CRADD: variants seen among roughly 807,000 people sequenced by gnomAD.
CRADD encodes CARD and death domain containing adaptor protein, also known as death domain-containing protein CRADD.
In CRADD, 9 loss-of-function variants were observed where a neutral mutation model predicts 15.5. The observed-to-expected ratio is 0.58, with a 90% CI of 0.35 to 1.01. The LOEUF is 1.01. Ranked by LOEUF, CRADD falls within the 50% of genes least tolerant of loss-of-function variation. CRADD has a pLI of 0.02. For missense variants in CRADD, 227 were observed against 250.3 expected (o/e 0.91, Z 0.63); for synonymous variants, 118 against 107.6 (o/e 1.10, Z -0.60).
intron 2 of CRADD, among the ~76,000 whole-genome samples, chr12:93,807,540 C>G (rs1957553588): frequency 6.6e-6 from 1 of 151,956 alleles, no homozygotes; most frequent in Non-Finnish European, 1.5e-5. Context: ...AGGCACTGTC[C>G]TAGGTACCAG....
chr12:93,880,511 G>A (rs980609540), intron 2 of CRADD, among the ~76,000 whole-genome samples: 2 of 152,112 alleles, frequency 1.3e-5, no homozygotes, highest in Non-Finnish European at 1.5e-5. Flanking sequence ...GCAGCTCACC[G>A]TCTTGCTTTT....
chr12:93,894,191 G>A (rs113781142), exon 3 of CRADD: 1 of 698,468 alleles, frequency 1.4e-6, no homozygotes, highest in African/African-American at 1.7e-5. Context: ...TCTCAATCAA[G>A]GGCGATTTTG....
intron 2 of CRADD, among the ~76,000 whole-genome samples, chr12:93,784,589 A>C (rs542927965): frequency 1.3e-5 from 2 of 152,004 alleles, no homozygotes; most frequent in Non-Finnish European, 2.9e-5. Context: ...GAGCACCTTA[A>C]AACCCTTTGT....
chr12:93,860,610 C>T (rs1020422306), intron 2 of CRADD, among the ~76,000 whole-genome samples: 1 of 152,076 alleles, frequency 6.6e-6, no homozygotes, highest in Non-Finnish European at 1.5e-5. Flanking sequence ...GAGTAAAAAC[C>T]CGAGGGAGGG....
At chr12:93,765,569 T>C (rs544010261) in intron 2 of CRADD, among the ~76,000 whole-genome samples, 2 of 152,278 alleles carry the variant, frequency 1.3e-5, no homozygotes, top group Non-Finnish European at 2.9e-5. Flanking sequence ...AGCCTCTTTA[T>C]TGAGGGTGAG....
intron 2 of CRADD, among the ~76,000 whole-genome samples, chr12:93,782,709 G>C (rs1957225812): frequency 6.6e-6 from 1 of 151,414 alleles, no homozygotes; most frequent in African/African-American, 2.4e-5. Flanking sequence ...TTTTAAACAG[G>C]CAAAAATAAA....
At chr12:93,772,024 C>G (rs1957090156) in intron 2 of CRADD, among the ~76,000 whole-genome samples, 1 of 152,188 alleles carries the variant, frequency 6.6e-6, no homozygotes, top group Admixed American at 6.5e-5. Context: ...AAATTATCGT[C>G]TTTTGAGGTA....
In CRADD at chr12:93,795,294, A is replaced by G. The variant is rs1264592346; in HGVS notation, c.299-54676A>G. ...AGGCGAATCTGTGCAGTTTTATCCCACGCTTCTTCCCCATCCCTAAGTTCC... is the reference window on the plus strand; with the variant it reads ...AGGCGAATCTGTGCAGTTTTATCCCGCGCTTCTTCCCCATCCCTAAGTTCC... On this transcript the variant is annotated intron_variant, in intron 2 of 2. Coordinates refer to ENST00000332896, the MANE Select transcript of CRADD (RefSeq NM_003805.5). Among the ~76,000 whole-genome samples the G allele has an allele frequency of 4.6e-5, 7 of 152,118 alleles. No individual in the cohort carries two copies. The East Asian group carries it at 1.3e-3, about 29-fold the overall frequency.
At chr12:93,894,268 G>A (rs1958597138) in exon 3 of CRADD, 2 of 546,358 alleles carry the variant, frequency 3.7e-6, no homozygotes, top group Non-Finnish European at 6.7e-6. Flanking sequence ...GTATGTGTGT[G>A]GGTGGGCGGG....
At chr12:93,866,858 G>T (rs1958371498) in intron 2 of CRADD, among the ~76,000 whole-genome samples, 1 of 152,172 alleles carries the variant, frequency 6.6e-6, no homozygotes, top group Admixed American at 6.5e-5. Context: ...GTGGCAGAGG[G>T]CTTCAACATT....
intron 2 of CRADD, among the ~76,000 whole-genome samples, chr12:93,812,971 T>C (rs1211768004): frequency 6.6e-6 from 1 of 152,248 alleles, no homozygotes; most frequent in East Asian, 1.9e-4. Flanking sequence ...TGCATGAAGT[T>C]TCTCCTCTTT....
chr12:93,814,501 G>A (rs1057276529), intron 2 of CRADD, among the ~76,000 whole-genome samples: 2 of 152,140 alleles, frequency 1.3e-5, no homozygotes, highest in Non-Finnish European at 2.9e-5. Flanking sequence ...CCTTCATCAC[G>A]AATCCTAGAA....
At chr12:93,705,464 A>G (rs1565879796) in intron 2 of CRADD, among the ~76,000 whole-genome samples, 1 of 152,208 alleles carries the variant, frequency 6.6e-6, no homozygotes, top group African/African-American at 2.4e-5. Flanking sequence ...CCTTGAACAC[A>G]TTAGACAGAT....
At chr12:93,705,056 T>C (rs190376549) in intron 2 of CRADD, among the ~76,000 whole-genome samples, 93 of 152,378 alleles carry the variant, frequency 6.1e-4, no homozygotes, top group African/African-American at 2.2e-3. Flanking sequence ...TATCTGGAAT[T>C]ATCCTCCGCA....
chr12:93,695,297 T>C (rs1285609303), intron 2 of CRADD, among the ~76,000 whole-genome samples: 1 of 152,154 alleles, frequency 6.6e-6, no homozygotes, highest in African/African-American at 2.4e-5. Flanking sequence ...ACACCATGTA[T>C]AAAAATAAAC....
chr12:93,790,713 A>G (rs1428580685), intron 2 of CRADD: 1 of 152,116 alleles, frequency 6.6e-6, no homozygotes, highest in African/African-American at 2.4e-5. Context: ...TGCTAGAAGA[A>G]TGGAGGATTA....
rs144825716 is a variant in CRADD at position 93,705,048 on chromosome 12, T to C, written c.298+25976T>C. 3.0e-4 allele frequency among the ~76,000 whole-genome samples: 45 copies of C among 152,328 alleles called. No individual in the cohort carries two copies. The East Asian group carries it at 8.5e-3, about 29-fold the overall frequency. On this transcript the variant is annotated intron_variant, in intron 2 of 2. Coordinates refer to ENST00000332896, the MANE Select transcript of CRADD (RefSeq NM_003805.5). ...GTTTCTTGCACAGCATTTAACACTA[T>C]CTGGAATTATCCTCCGCACTTGATT...
intron 2 of CRADD, among the ~76,000 whole-genome samples, chr12:93,865,871 G>T (rs1565943861): frequency 6.6e-6 from 1 of 152,092 alleles, no homozygotes; most frequent in South Asian, 2.1e-4. Context: ...ATCTGGGCAT[G>T]TGGAACCCAC....
intron 2 of CRADD, among the ~76,000 whole-genome samples, chr12:93,887,759 A>G (rs1958548062): frequency 1.3e-5 from 2 of 152,238 alleles, no homozygotes; most frequent in African/African-American, 4.8e-5. Context: ...AGCACATACT[A>G]CGTGCCTGGC....
Sources: gnomAD v4.1 joint callset for allele counts (sites outside exome capture counted in the v4.1 genomes callset) on GRCh38, gnomAD v4.1.1 for gene constraint, MANE v1.5 for transcripts, NCBI Gene and HGNC (gene_info 2026-07-23, HGNC 2026-07-21) for gene names.